PDS5B: variants seen among roughly 807,000 people sequenced by gnomAD.
PDS5B encodes PDS5 cohesin associated factor B.
PDS5B carries 51 observed loss-of-function variants against 184.1 expected under a neutral mutation model. The observed-to-expected ratio is 0.28, with a 90% CI of 0.22 to 0.35. The LOEUF (loss-of-function observed/expected upper bound fraction) is 0.35. Ranked by LOEUF, PDS5B falls within the 10% of genes least tolerant of loss-of-function variation. The pLI is 1.00. For synonymous variants in PDS5B, 566 were observed against 569.2 expected, an observed-to-expected ratio of 0.99 and a Z score of 0.08; for missense variants, 1,180 against 1,723.3, an observed-to-expected ratio of 0.68 and a Z score of 5.58.
intron 1 of PDS5B, among the ~76,000 whole-genome samples, chr13:32,620,415 T>G (rs576628007): frequency 1.8e-3 from 280 of 152,208 alleles, no homozygotes; most frequent in Non-Finnish European, 3.5e-3. Flanking sequence ...CCCAGCACTT[T>G]GGGAGGCCGA....
intron 1 of PDS5B, among the ~76,000 whole-genome samples, chr13:32,602,666 C>T (rs558517250): frequency 3.3e-5 from 5 of 152,264 alleles, no homozygotes; most frequent in South Asian, 2.1e-4. Flanking sequence ...CTTGAGGAAT[C>T]GCCACACTGT....
At chr13:32,745,916 A>G (rs4942867) in intron 23 of PDS5B, 61 bp from the exon 24 acceptor site, 554,714 of 1,340,690 alleles carry the variant, frequency 0.41, 119,498 homozygotes, top group Non-Finnish European at 0.45. Flanking sequence ...AATTAGATGT[A>G]CAGAAGATTT....
intron 19 of PDS5B, among the ~76,000 whole-genome samples, chr13:32,719,606 A>G (rs1021019283): frequency 1.3e-5 from 2 of 152,102 alleles, no homozygotes; most frequent in Non-Finnish European, 2.9e-5. Flanking sequence ...TGTCGAGGAC[A>G]TTGTAATAAA....
intron 29 of PDS5B, 85 bp downstream of exon 29, chr13:32,759,775 T>C: frequency 1.6e-6 from 1 of 631,258 alleles, no homozygotes; most frequent in Non-Finnish European, 2.7e-6. Context: ...TTGTATTTCT[T>C]CAAAAATTTA....
intron 1 of PDS5B, among the ~76,000 whole-genome samples, chr13:32,598,989 C>T (rs915201370): frequency 6.6e-6 from 1 of 152,080 alleles, no homozygotes; most frequent in Non-Finnish European, 1.5e-5. Flanking sequence ...CCAGGATGGT[C>T]TCGATCTCCT....
intron 24 of PDS5B, among the ~76,000 whole-genome samples, chr13:32,747,816 A>C (rs1953811657): frequency 6.6e-6 from 1 of 152,224 alleles, no homozygotes; most frequent in African/African-American, 2.4e-5. Context: ...TGCTATCATT[A>C]TTGAAGTGGA....
intron 3 of PDS5B, among the ~76,000 whole-genome samples, chr13:32,655,374 A>ATATATATTTTTTTTTTTTTTT: frequency 4.1e-5 from 3 of 72,482 alleles, no homozygotes; most frequent in Admixed American, 1.8e-4. Flanking sequence ...ATATATATAT[A>ATATATATTTTTTTTTTTTTTT]TTTTTTTTTT....
Position 32,775,558 on chromosome 13 carries a change from T to C in PDS5B, c.*506T>C. The C allele has an allele frequency of 2.4e-6, 1 of 409,856 alleles. No homozygotes were observed. The highest frequency in any genetic ancestry group is 4.8e-6 in the Non-Finnish European group (1 of 206,708). 25.4% of individuals were successfully genotyped at this position (409,856 alleles called of 1,614,324 possible). A position where few individuals can be genotyped will look rare whatever the true frequency, so the allele number is the denominator to read the frequency against. On this transcript the variant is annotated 3_prime_UTR_variant, in exon 35 of 35. Coordinates refer to ENST00000315596, the MANE Select transcript of PDS5B (RefSeq NM_015032.4). The stretch of plus-strand genomic sequence containing the variant: ...TGTCACTATTTGTTGGAGAGTTAAA[T>C]GGTCTCTTCCCTTTGTGTATCTTAC...
Position 32,631,836 on chromosome 13 carries a change from A to C in PDS5B, c.-19-16918A>C, listed in dbSNP as rs186302860. 5.7e-3 allele frequency among the ~76,000 whole-genome samples: 871 copies of C among 152,122 alleles called. 10 individuals carry two copies. Among genetic ancestry groups the C allele is most frequent in the African/African-American group, 0.02 (841 of 41,374 alleles). On this transcript the variant is annotated intron_variant, in intron 1 of 34. Transcript: ENST00000315596. ...GAAGTTGTGTTCTAAACTGTTTTCT[A>C]AACTTGTCTGACCATAGGAATTGTC... is the stretch of plus-strand genomic sequence containing the variant.
rs1259857821 is a variant in PDS5B, at chr13:32,609,587, G to A, written c.-20+22994G>A. Among the ~76,000 whole-genome samples the A allele has an allele frequency of 2.0e-5, 3 of 152,178 alleles. No individual in the cohort carries two copies. In the South Asian group the frequency reaches 6.2e-4, roughly 32 times the overall value. Reference sequence around the variant, plus strand: ...GACCATTAGCAGTCTTGCCTGGATTGTTTCCACTGACTTTAACCATAGTCC... The same window carrying A: ...GACCATTAGCAGTCTTGCCTGGATTATTTCCACTGACTTTAACCATAGTCC... On this transcript the variant is annotated intron_variant, in intron 1 of 34. Coordinates refer to ENST00000315596, the MANE Select transcript of PDS5B (RefSeq NM_015032.4).
rs150562589 is a variant in PDS5B, at chr13:32,688,870, T to C, written c.1469+301T>C. On this transcript the variant is annotated intron_variant, in intron 13 of 34. Coordinates refer to ENST00000315596, the MANE Select transcript of PDS5B (RefSeq NM_015032.4). ...TGATGTACCTATTCTTTTTTATTTGTTTTCCTTAAGGCATTAGAAACATTC... is the reference window on the plus strand; with the variant it reads ...TGATGTACCTATTCTTTTTTATTTGCTTTCCTTAAGGCATTAGAAACATTC... 5.5e-5 allele frequency: 18 copies of C among 326,742 alleles called. No individual in the cohort carries two copies. In the East Asian group the frequency reaches 1.1e-3, roughly 20 times the overall value. The allele number at this position is 326,742 out of a possible 1,614,324, so 20.2% of individuals were successfully genotyped here.
chr13:32,650,591 T>C (rs939583470), intron 2 of PDS5B: 1 of 152,188 alleles, frequency 6.6e-6, no homozygotes, highest in East Asian at 1.9e-4. Flanking sequence ...CCCTTTGTGG[T>C]TTTTCCTAAA....
intron 23 of PDS5B, among the ~76,000 whole-genome samples, chr13:32,744,759 G>A (rs1438519684): frequency 6.6e-6 from 1 of 152,074 alleles, no homozygotes; most frequent in Non-Finnish European, 1.5e-5. Context: ...CCTTTGAGAC[G>A]AAGTCCTACA....
intron 1 of PDS5B, among the ~76,000 whole-genome samples, chr13:32,613,176 A>C (rs1418235164): frequency 1.3e-5 from 2 of 152,174 alleles, no homozygotes; most frequent in Non-Finnish European, 2.9e-5. Context: ...TTTTTCAGCT[A>C]TTATAAATAA....
chr13:32,655,069 G>A (rs1325167261), intron 3 of PDS5B, among the ~76,000 whole-genome samples: 2 of 151,858 alleles, frequency 1.3e-5, no homozygotes, highest in East Asian at 1.9e-4. Context: ...GGGTCAAATG[G>A]TAGTCCTGTT....
rs60222106 is a variant in PDS5B at position 32,706,279 on chromosome 13, AAAATAAATAAATAAATAAAT to A, written c.1857-627_1857-608del. On this transcript the variant is annotated intron_variant, in intron 17 of 34. Transcript: ENST00000315596. ...GGTGACAAAGTGAAACTTCGTCTCA[AAAATAAATAAATAAATAAAT>A]AAATAAATAAATAAATAAATAAATA... Among the ~76,000 whole-genome samples the A allele has an allele frequency of 7.6e-3, 1,108 of 144,974 alleles. 7 individuals are homozygous for A. Among genetic ancestry groups the A allele is most frequent in the Admixed American group, 0.011 (161 of 14,450 alleles).
intron 19 of PDS5B, among the ~76,000 whole-genome samples, chr13:32,723,688 T>C (rs1952798212): frequency 6.6e-6 from 1 of 152,186 alleles, no homozygotes; most frequent in Admixed American, 6.5e-5. Flanking sequence ...ATTTTTCTCT[T>C]GATTATTGGG....
chr13:32,610,120 T>C (rs1206127648), intron 1 of PDS5B, among the ~76,000 whole-genome samples: 1 of 152,178 alleles, frequency 6.6e-6, no homozygotes, highest in African/African-American at 2.4e-5. Flanking sequence ...CATAGATGCA[T>C]ATAAGCTGGC....
chr13:32,732,386 AT>A (rs1409902149), intron 20 of PDS5B, among the ~76,000 whole-genome samples, 162 bp downstream of exon 20: 1 of 152,204 alleles, frequency 6.6e-6, no homozygotes, highest in African/African-American at 2.4e-5. Flanking sequence ...AAATATGAAA[AT>A]ATCTGAGTAT....
Sources: allele counts gnomAD v4.1 joint callset (sites outside exome capture counted in the v4.1 genomes callset), GRCh38; gene constraint gnomAD v4.1.1; transcripts MANE v1.5; gene names NCBI Gene and HGNC (gene_info 2026-07-23, HGNC 2026-07-21).